KARS1: variants seen among roughly 807,000 people sequenced by gnomAD.
KARS1 encodes the protein lysyl-tRNA synthetase 1, also known as lysine--tRNA ligase.
KARS1 carries 50 observed loss-of-function variants against 63.9 expected under a neutral mutation model. The ratio of observed to expected loss-of-function variants is 0.78; its 90% CI spans 0.62 to 0.99. The LOEUF (loss-of-function observed/expected upper bound fraction) is 0.99, where lower values mean the gene tolerates loss of function less well. Among genes scored for constraint, KARS1 ranks in the 50% least tolerant of loss-of-function variants. KARS1 has a pLI of 0.00. For synonymous variants in KARS1, 320 were observed against 264.6 expected (o/e 1.21, Z -2.03); for missense variants, 816 against 754.5 (o/e 1.08, Z -0.95).
chr16:75,645,261 G>C (rs1272414789), intron 1 of KARS1, among the ~76,000 whole-genome samples: 4 of 152,236 alleles, frequency 2.6e-5, no homozygotes, highest in Non-Finnish European at 5.9e-5. Flanking sequence ...TGACAGGTAA[G>C]ACAACGTGAG....
In KARS1 at chr16:75,628,561, C is replaced by T. The variant is rs755297356; in HGVS notation, c.1695+8G>A. Reference sequence around the variant, plus strand: ...AGGAAGTGTGCTCTGTGGAGGGTTGCTACGTACCTTGATGTTGTTGGAGTC... The same window carrying T: ...AGGAAGTGTGCTCTGTGGAGGGTTGTTACGTACCTTGATGTTGTTGGAGTC... On this transcript the variant is annotated splice_region_variant and intron_variant, in intron 13 of 13. Coordinates refer to ENST00000302445, the MANE Select transcript of KARS1 (RefSeq NM_005548.3). 22 of 1,613,360 alleles carry T rather than the reference C, an allele frequency of 1.4e-5. No homozygotes were observed. Among genetic ancestry groups the T allele is most frequent in the Non-Finnish European group, 8.5e-7 (1 of 1,179,940 alleles).
At chr16:75,643,768 T>G (rs891819044) in intron 1 of KARS1, among the ~76,000 whole-genome samples, 4 of 152,246 alleles carry the variant, frequency 2.6e-5, no homozygotes, top group Non-Finnish European at 5.9e-5. Context: ...ATAACATTTG[T>G]AAAGACAACC....
In KARS1 at chr16:75,629,043, C is replaced by T. The variant is rs1010552751; in HGVS notation, c.1552-331G>A. ...GAGTCTTTCTCCCATTTCCTGAAAA[C>T]AGCCCTGTCAACACCTGCTGCAGGC... On this transcript the variant is annotated intron_variant, in intron 12 of 13. Transcript: ENST00000302445. 4 of 468,044 alleles carry T rather than the reference C, an allele frequency of 8.5e-6. 1 individual carries two copies. Among genetic ancestry groups the T allele is most frequent in the East Asian group, 4.4e-5 (1 of 22,820 alleles). The allele number at this position is 468,044 out of a possible 1,614,324, so 29.0% of individuals were successfully genotyped here.
In KARS1 at chr16:75,629,507, C is replaced by A. The variant is rs1345727393; in HGVS notation, c.1459G>T (p.Glu487Ter). ...RSKEGLTERF[E>*]LFVMKKEICN... The stretch of plus-strand genomic sequence containing the variant: ...ATCTCTTTCTTCATGACAAACAGCT[C>A]AAAGCGCTCAGTCAGACCCTCTTTA... Residue 487 changes from glutamate (E) to a stop codon, truncating the protein, a stop_gained, in exon 12 of 14, where the codon GAG (glutamate) becomes TAG (stop). Transcript: ENST00000302445. LOFTEE classifies it high-confidence loss of function. 1.2e-6 allele frequency: 2 copies of A among 1,614,180 alleles called. No individual in the cohort carries two copies.
chr16:75,636,303 C>A, intron 4 of KARS1, 151 bp downstream of exon 4: 1 of 758,036 alleles, frequency 1.3e-6, no homozygotes, highest in South Asian at 1.4e-5. Flanking sequence ...TACAGGTGAC[C>A]AGGTGGCCAC....
rs993309848 is a variant in KARS1 at position 75,635,717 on chromosome 16, T to C, written c.758A>G (p.Tyr253Cys). Residue 253 changes from tyrosine to cysteine, a missense_variant, in exon 6 of 14, where the codon TAT (tyrosine) becomes TGT (cysteine). Tyr to Cys is a radical substitution (Grantham distance 194). Transcript: ENST00000302445. ...CAGCTCATCTAAGAAACTTCTTATA[T>C]ATGTGATGATCTTAGAGCGGATGAT... ...KFIIRSKIIT[Y>C]IRSFLDELGF... The C allele has an allele frequency of 3.7e-6, 6 of 1,614,148 alleles. No homozygotes were observed. The highest frequency in any genetic ancestry group is 1.3e-5 in the African/African-American group (1 of 75,062).
At chr16:75,644,180 T>G (rs1038333157) in intron 1 of KARS1, 3 of 1,029,810 alleles carry the variant, frequency 2.9e-6, no homozygotes, top group Admixed American at 2.3e-5. Context: ...CTTGTTTCCT[T>G]AGCAACAAGT....
chr16:75,631,641 C>T (rs753105248), intron 8 of KARS1, 52 bp from the exon 9 acceptor site: 10 of 1,613,978 alleles, frequency 6.2e-6, no homozygotes, highest in South Asian at 1.1e-5. Context: ...CAGCCCTCCT[C>T]TGAAAGCAGC....
rs960187961 is a variant in KARS1 at position 75,636,151 on chromosome 16, C to A, written c.483-53G>T. ...AACAACAATTCAAATGAACACTGACCACTGGTCTCCTCTGGAACCCTCACT... is the reference window on the plus strand; with the variant it reads ...AACAACAATTCAAATGAACACTGACAACTGGTCTCCTCTGGAACCCTCACT... On this transcript the variant is annotated intron_variant, in intron 4 of 13. Transcript: ENST00000302445. The A allele has an allele frequency of 6.3e-6, 7 of 1,108,452 alleles. No individual in the cohort carries two copies. The Admixed American group carries it at 9.3e-5, about 15-fold the overall frequency. The allele number at this position is 1,108,452 out of a possible 1,614,324, so 68.7% of individuals were successfully genotyped here. A position where few individuals can be genotyped will look rare whatever the true frequency, so the allele number is the denominator to read the frequency against.
Position 75,628,985 on chromosome 16 carries a change from C to T in KARS1, c.1552-273G>A, listed in dbSNP as rs41505349. ...CTGCTTGGGGCTCTGGGACTCCAAA[C>T]AGGTTAATTCTCAGAGACTGTGACA... On this transcript the variant is annotated intron_variant, in intron 12 of 13. Transcript: ENST00000302445. The T allele has an allele frequency of 0.24, 122,415 of 514,900 alleles. 24,905 individuals are homozygous for T. Among genetic ancestry groups the T allele is most frequent in the East Asian group, 0.77 (21,200 of 27,682 alleles). The allele number at this position is 514,900 out of a possible 1,614,324, so 31.9% of individuals were successfully genotyped here. A position where few individuals can be genotyped will look rare whatever the true frequency, so the allele number is the denominator to read the frequency against.
chr16:75,636,114 A>C lies in KARS1; in HGVS notation c.483-16T>G. On this transcript the variant is annotated splice_polypyrimidine_tract_variant and intron_variant, in intron 4 of 13. Coordinates refer to ENST00000302445, the MANE Select transcript of KARS1 (RefSeq NM_005548.3). Reference sequence around the variant, plus strand: ...TTTATAATTTCTGAGTGAAAAAGAAATGTAATTCAGTAACAACAATTCAAA... The same window carrying C: ...TTTATAATTTCTGAGTGAAAAAGAACTGTAATTCAGTAACAACAATTCAAA... 6.8e-7 allele frequency: 1 copy of C among 1,469,382 alleles called. No homozygotes were observed. Among genetic ancestry groups the C allele is most frequent in the Non-Finnish European group, 9.5e-7 (1 of 1,051,832 alleles). 91.0% of individuals were successfully genotyped at this position (1,469,382 alleles called of 1,614,324 possible). A position where few individuals can be genotyped will look rare whatever the true frequency, so the allele number is the denominator to read the frequency against.
At position 75,640,236 on chromosome 16, in the gene KARS1, A is replaced by G. The variant is rs760134437; in HGVS notation, c.336T>C (p.Tyr112=). The G allele has an allele frequency of 1.6e-5, 26 of 1,613,542 alleles. No homozygotes were observed. The highest frequency in any genetic ancestry group is 1.6e-4 in the Middle Eastern group (1 of 6,082). The change falls in exon 3 of 14, where the codon TAT becomes TAC. Residue 112 remains tyrosine (Y), a synonymous_variant. Transcript: ENST00000302445. ...DISLTDFIQK[Y]SHLQPGDHLT... is the part of the protein sequence containing the mutation. ...GGTGATCCCCAGGCTGCAGGTGACT[A>G]TATTTTTGGATGAAGTCAGTGAGTG...
At position 75,631,177 on chromosome 16, in the gene KARS1, G is replaced by A; in HGVS notation, c.1329C>T (p.Leu443=). The change falls in exon 10 of 14, where the codon CTC becomes CTT. Residue 443 remains leucine, a synonymous_variant. Coordinates refer to ENST00000302445, the MANE Select transcript of KARS1 (RefSeq NM_005548.3). ...ECPPPRTTAR[L]LDKLVGEFLE... ...GGCAGGGCCTTCTCACCTTGTCAAG[G>A]AGCCTGGCTGTGGTCCGAGGTGGAG... 1.2e-6 allele frequency: 2 copies of A among 1,613,660 alleles called. No individual in the cohort carries two copies. The highest frequency in any genetic ancestry group is 1.7e-6 in the Non-Finnish European group (2 of 1,179,688).
chr16:75,644,213 A>T, intron 1 of KARS1: 1 of 1,420,442 alleles, frequency 7.0e-7, no homozygotes, highest in Non-Finnish European at 9.7e-7. Flanking sequence ...CCAGAGGCTT[A>T]ACGGAAAATG....
rs367954239 is a variant in KARS1, at chr16:75,647,649, G to A, written c.-10C>T. 66 of 1,613,684 alleles carry A rather than the reference G, an allele frequency of 4.1e-5. No homozygotes were observed. Among genetic ancestry groups the A allele is most frequent in the African/African-American group, 1.1e-4 (8 of 74,920 alleles). On this transcript the variant is annotated 5_prime_UTR_variant, in exon 1 of 14. Transcript: ENST00000302445. Reference sequence around the variant, plus strand: ...CCTGCACGGCCGCCATCTTCCCGGAGGGCCCGACCCAAAAGTAAGGAGGAT... The same window carrying A: ...CCTGCACGGCCGCCATCTTCCCGGAAGGCCCGACCCAAAAGTAAGGAGGAT...
intron 3 of KARS1, 89 bp downstream of exon 3, chr16:75,640,095 C>A: frequency 8.7e-7 from 1 of 1,150,374 alleles, no homozygotes; most frequent in South Asian, 1.2e-5. Context: ...TACTTGAGAA[C>A]AAGACCAACC....
intron 1 of KARS1, among the ~76,000 whole-genome samples, chr16:75,643,759 T>C (rs2082250662): frequency 6.6e-6 from 1 of 152,246 alleles, no homozygotes; most frequent in East Asian, 1.9e-4. Flanking sequence ...TAATGTCTTA[T>C]AACATTTGTA....
intron 1 of KARS1, among the ~76,000 whole-genome samples, chr16:75,642,185 CTTTTTTTTTTTTTTT>C (rs148991591): frequency 0.022 from 1,382 of 63,252 alleles, 30 homozygotes; most frequent in African/African-American, 0.05. Context: ...AGTGCCAGGT[CTTTTTTTTTTTTTTT>C]TTTTTTTTTT....
Position 75,631,545 on chromosome 16 carries a change from G to T in KARS1, c.1123C>A (p.Pro375Thr). 2 of 1,614,120 alleles carry T rather than the reference G, an allele frequency of 1.2e-6. No individual in the cohort carries two copies. The highest frequency in any genetic ancestry group is 1.7e-6 in the Non-Finnish European group (2 of 1,180,010). Residue 375 changes from proline to threonine, a missense_variant, in exon 9 of 14, where the codon CCA (proline) becomes ACA (threonine). Transcript: ENST00000302445. ...TAGGCTTGGCCCTCTGGGCCATCTG[G>T]GTGGTAGGTGACCTTGTAACTGCCT... is the stretch of plus-strand genomic sequence containing the variant. The part of the protein sequence containing the change: ...ITGSYKVTYH[P>T]DGPEGQAYDV...
Sources: allele counts gnomAD v4.1 joint callset (sites outside exome capture counted in the v4.1 genomes callset), GRCh38; gene constraint gnomAD v4.1.1; transcripts MANE v1.5; gene names NCBI Gene and HGNC (gene_info 2026-07-23, HGNC 2026-07-21).